The following LRRC7 variants were observed in gnomAD, a reference collection of about 807,000 sequenced individuals.
LRRC7 encodes leucine rich repeat containing 7.
A neutral mutation model predicts 175.7 loss-of-function variants in LRRC7; 23 were observed. That is an observed-to-expected ratio of 0.13 (90% CI 0.09 to 0.19). LRRC7 has a LOEUF of 0.19. Ranked by LOEUF, LRRC7 falls within the 10% of genes least tolerant of loss-of-function variation. The pLI is 1.00. For synonymous variants in LRRC7, 685 were observed against 680.9 expected, an observed-to-expected ratio of 1.01 and a Z score of -0.09; for missense variants, 1,354 against 1,904.7, an observed-to-expected ratio of 0.71 and a Z score of 5.38.
At chr1:69,814,318 T>C (rs1678325080) in intron 4 of LRRC7, among the ~76,000 whole-genome samples, 1 of 152,178 alleles carries the variant, frequency 6.6e-6, no homozygotes, top group Non-Finnish European at 1.5e-5. Context: ...AAAATCATAT[T>C]GCTTAATACA....
chr1:69,622,912 CTT>C (rs773705716), intron 1 of LRRC7, among the ~76,000 whole-genome samples: 62 of 152,280 alleles, frequency 4.1e-4, no homozygotes, highest in Non-Finnish European at 6.9e-4. Context: ...GGTGGCTACT[CTT>C]AAGAGATGAT....
intron 8 of LRRC7, among the ~76,000 whole-genome samples, chr1:69,972,333 C>A (rs1377957651): frequency 1.3e-5 from 2 of 152,202 alleles, no homozygotes; most frequent in South Asian, 2.1e-4. Flanking sequence ...AAACAGACAA[C>A]CCACGGAGTG....
At chr1:70,004,210 G>A (rs910520576) in intron 11 of LRRC7, among the ~76,000 whole-genome samples, 1 of 152,228 alleles carries the variant, frequency 6.6e-6, no homozygotes, top group South Asian at 2.1e-4. Context: ...ATTCAGCATA[G>A]GCCGTGAGAT....
chr1:69,763,895 C>A (rs1049563371), intron 3 of LRRC7, among the ~76,000 whole-genome samples: 4 of 151,910 alleles, frequency 2.6e-5, no homozygotes, highest in African/African-American at 7.2e-5. Context: ...TAAGAATTAT[C>A]TTTTACATAT....
At chr1:69,609,834 T>A (rs1312632749) in intron 1 of LRRC7, among the ~76,000 whole-genome samples, 1 of 152,122 alleles carries the variant, frequency 6.6e-6, no homozygotes, top group Non-Finnish European at 1.5e-5. Context: ...TTACATAGAA[T>A]AATGCCTAGA....
intron 7 of LRRC7, among the ~76,000 whole-genome samples, chr1:69,880,674 G>T (rs1686508545): frequency 6.6e-6 from 1 of 152,052 alleles, no homozygotes; most frequent in South Asian, 2.1e-4. Context: ...TGATAATAGG[G>T]AAGAAAAAGT....
intron 11 of LRRC7, among the ~76,000 whole-genome samples, chr1:70,004,538 C>A (rs1655827041): frequency 1.3e-5 from 2 of 152,046 alleles, no homozygotes; most frequent in Non-Finnish European, 1.5e-5. Flanking sequence ...CTGCTGTCAC[C>A]CACTTTTGCT....
chr1:70,079,948 A>G (rs1663088209), intron 24 of LRRC7, among the ~76,000 whole-genome samples: 1 of 152,240 alleles, frequency 6.6e-6, no homozygotes, highest in South Asian at 2.1e-4. Context: ...ACCAAGGCAG[A>G]GAGAAAATAA....
In LRRC7 at chr1:70,012,973, G is replaced by T; in HGVS notation, c.1135-1G>T. 1 of 1,523,506 alleles carries T rather than the reference G, an allele frequency of 6.6e-7. No homozygotes were observed. The highest frequency in any genetic ancestry group is 1.3e-5 in the South Asian group (1 of 78,726). The allele number at this position is 1,523,506 out of a possible 1,614,324, so 94.4% of individuals were successfully genotyped here. ...TACCTATTTTCTTTTGTTACCTACAGATTGGAAGTTGTAAGAATGTAACAG... is the reference window on the plus strand; with the variant it reads ...TACCTATTTTCTTTTGTTACCTACATATTGGAAGTTGTAAGAATGTAACAG... On this transcript the variant is annotated splice_acceptor_variant, in intron 12 of 26. Transcript: ENST00000651989. LOFTEE classifies it high-confidence loss of function.
chr1:69,746,623 G>A (rs774093914), intron 2 of LRRC7, among the ~76,000 whole-genome samples: 22 of 151,846 alleles, frequency 1.4e-4, no homozygotes, highest in Non-Finnish European at 1.2e-4. Flanking sequence ...AGAACGTATT[G>A]TATGTCTGCC....
intron 8 of LRRC7, among the ~76,000 whole-genome samples, chr1:69,946,449 A>AT (rs926118301): frequency 2.6e-5 from 4 of 151,678 alleles, no homozygotes; most frequent in African/African-American, 9.7e-5. Context: ...TTTTTTGGGT[A>AT]TTTTTTTTAT....
chr1:70,098,014 C>A (rs1664536928), intron 25 of LRRC7, among the ~76,000 whole-genome samples: 1 of 151,196 alleles, frequency 6.6e-6, no homozygotes, highest in South Asian at 2.1e-4. Context: ...ATTTCTAGTT[C>A]TAGATCCCTG....
intron 10 of LRRC7, among the ~76,000 whole-genome samples, chr1:69,991,978 G>A (rs770989639): frequency 1.3e-5 from 2 of 151,908 alleles, no homozygotes; most frequent in Non-Finnish European, 2.9e-5. Flanking sequence ...AATATTTTTT[G>A]CTTAATAATT....
At chr1:69,789,434 T>C (rs955258330) in intron 3 of LRRC7, among the ~76,000 whole-genome samples, 2 of 152,138 alleles carry the variant, frequency 1.3e-5, no homozygotes, top group South Asian at 2.1e-4. Flanking sequence ...TATTCTACTA[T>C]ATTGAAGAAT....
intron 4 of LRRC7, among the ~76,000 whole-genome samples, chr1:69,822,389 T>C (rs1679399632): frequency 6.6e-6 from 1 of 152,318 alleles, no homozygotes; most frequent in Middle Eastern, 3.4e-3. Flanking sequence ...TGGGAGGACC[T>C]ATGAATCAGT....
chr1:69,685,774 G>A (rs547954091), intron 2 of LRRC7, among the ~76,000 whole-genome samples: 2 of 152,034 alleles, frequency 1.3e-5, no homozygotes, highest in East Asian at 1.9e-4. Flanking sequence ...AGAGTCCCAG[G>A]AGAGGAGAAG....
intron 2 of LRRC7, among the ~76,000 whole-genome samples, chr1:69,729,489 C>T (rs1172802916): frequency 1.3e-5 from 2 of 152,172 alleles, no homozygotes; most frequent in African/African-American, 4.8e-5. Context: ...AAAGGAGCCA[C>T]AGGCCCCATG....
intron 2 of LRRC7, among the ~76,000 whole-genome samples, chr1:69,699,366 C>A (rs1376136968): frequency 6.6e-6 from 1 of 152,162 alleles, no homozygotes; most frequent in East Asian, 1.9e-4. Context: ...ATGGTGAAAC[C>A]CCATCTCTAC....
At chr1:69,599,906 G>A (rs34079451) in intron 1 of LRRC7, among the ~76,000 whole-genome samples, 1,817 of 152,180 alleles carry the variant, frequency 0.012, 14 homozygotes, top group Non-Finnish European at 0.02. Context: ...TGCAAAAAAC[G>A]TTTACTCACT....
Sources: allele counts gnomAD v4.1 joint callset (sites outside exome capture counted in the v4.1 genomes callset), GRCh38; gene constraint gnomAD v4.1.1; transcripts MANE v1.5; gene names NCBI Gene and HGNC (gene_info 2026-07-23, HGNC 2026-07-21).